Variants in RPS6KC1 observed in about 807,000 individuals in gnomAD.
RPS6KC1 encodes the protein ribosomal protein S6 kinase C1.
Under a neutral mutation model 103.8 loss-of-function variants are expected in RPS6KC1, and 54 were observed. That is an observed-to-expected ratio of 0.52 (90% CI 0.42 to 0.65). The LOEUF (loss-of-function observed/expected upper bound fraction) is 0.65, where lower values mean the gene tolerates loss of function less well. RPS6KC1 is among the 30% of genes least tolerant of loss of function. RPS6KC1 has a pLI of 0.00. For missense variants in RPS6KC1, 1,151 were observed against 1,253.8 expected (o/e 0.92, Z 1.24); for synonymous variants, 439 against 438.7 (o/e 1.00, Z -0.01).
the RPS6KC1 span, among the ~76,000 whole-genome samples, chr1:213,399,475 G>A: frequency 3.3e-5 from 5 of 152,188 alleles, no homozygotes; most frequent in Non-Finnish European, 4.4e-5. Context: ...TACCTACCAC[G>A]GATGGATTCT....
the RPS6KC1 span, among the ~76,000 whole-genome samples, chr1:213,561,571 A>G: frequency 6.6e-6 from 1 of 152,206 alleles, no homozygotes; most frequent in African/African-American, 2.4e-5. Flanking sequence ...GAGGGTACAG[A>G]CAGCTGGGCT....
At chr1:213,809,253 T>C in the RPS6KC1 span, among the ~76,000 whole-genome samples, 1 of 152,136 alleles carries the variant, frequency 6.6e-6, no homozygotes, top group African/African-American at 2.4e-5. Flanking sequence ...GGCTGGTCAG[T>C]GGAGCAGTCT....
chr1:213,410,404 A>T, the RPS6KC1 span, among the ~76,000 whole-genome samples: 3 of 152,164 alleles, frequency 2.0e-5, no homozygotes, highest in Admixed American at 2.0e-4. Context: ...GAGGAAGCTT[A>T]GGGAGTGCTT....
chr1:213,421,457 T>C, the RPS6KC1 span, among the ~76,000 whole-genome samples: 2 of 152,222 alleles, frequency 1.3e-5, 1 homozygote, highest in South Asian at 4.1e-4. Context: ...ATCCTAATAG[T>C]CTGTCTCTTC....
the RPS6KC1 span, among the ~76,000 whole-genome samples, chr1:213,387,662 A>G: frequency 6.6e-6 from 1 of 152,218 alleles, no homozygotes. Context: ...GACTTTCTGT[A>G]CCTTGGGTGT....
At chr1:213,712,106 G>A in the RPS6KC1 span, among the ~76,000 whole-genome samples, 1 of 152,232 alleles carries the variant, frequency 6.6e-6, no homozygotes, top group Non-Finnish European at 1.5e-5. Flanking sequence ...TACTGAAACT[G>A]CGCCCACAGC....
At chr1:213,152,633 C>G (rs2089321010) in intron 6 of RPS6KC1, among the ~76,000 whole-genome samples, 2 of 149,930 alleles carry the variant, frequency 1.3e-5, no homozygotes, top group Admixed American at 6.6e-5. Flanking sequence ...CCCCACATCT[C>G]AGACGATGGG....
the RPS6KC1 span, among the ~76,000 whole-genome samples, chr1:213,286,301 C>T: frequency 2.6e-5 from 4 of 152,056 alleles, no homozygotes; most frequent in African/African-American, 9.7e-5. Context: ...CTGCTTTATT[C>T]TAAAAGAAAT....
the RPS6KC1 span, among the ~76,000 whole-genome samples, chr1:213,704,440 T>G: frequency 1.6e-4 from 24 of 151,556 alleles, 1 homozygote; most frequent in South Asian, 2.9e-3. Context: ...GTATGCCAGT[T>G]GCGTTTCTCA....
chr1:213,094,855 A>G (rs2081311668), intron 3 of RPS6KC1, among the ~76,000 whole-genome samples: 2 of 152,264 alleles, frequency 1.3e-5, no homozygotes, highest in Admixed American at 1.3e-4. Flanking sequence ...ACATTGTTCA[A>G]GTCACAAAAA....
chr1:213,328,504 CTATATATATATA>C, the RPS6KC1 span, among the ~76,000 whole-genome samples: 5,640 of 101,450 alleles, frequency 0.056, 251 homozygotes, highest in South Asian at 0.11. Flanking sequence ...AGCCATTATA[CTATATATATATA>C]TATATATATA....
At chr1:213,248,050 A>G (rs2094482777) in intron 12 of RPS6KC1, among the ~76,000 whole-genome samples, 1 of 152,186 alleles carries the variant, frequency 6.6e-6, no homozygotes, top group Admixed American at 6.5e-5. Flanking sequence ...TTTAAATAAG[A>G]AAGAAATATT....
chr1:213,194,158 A>G (rs1273047107), intron 8 of RPS6KC1, among the ~76,000 whole-genome samples: 1 of 152,114 alleles, frequency 6.6e-6, no homozygotes, highest in Non-Finnish European at 1.5e-5. Flanking sequence ...TTCCATTGGC[A>G]TGGAGTATCT....
the RPS6KC1 span, among the ~76,000 whole-genome samples, chr1:213,807,050 A>G: frequency 3.9e-3 from 466 of 119,984 alleles, 1 homozygote; most frequent in African/African-American, 0.014. Context: ...GCTTAGTTTG[A>G]CTGGATATGA....
the RPS6KC1 span, among the ~76,000 whole-genome samples, chr1:213,786,308 G>A: frequency 1.3e-5 from 2 of 152,172 alleles, no homozygotes; most frequent in African/African-American, 4.8e-5. Context: ...GTTCTATTTT[G>A]AATAAAAAGA....
At chr1:213,569,956 A>T in the RPS6KC1 span, among the ~76,000 whole-genome samples, 3 of 152,198 alleles carry the variant, frequency 2.0e-5, no homozygotes, top group African/African-American at 4.8e-5. Context: ...GTGCTCTTTG[A>T]TCGATAAATG....
the RPS6KC1 span, among the ~76,000 whole-genome samples, chr1:213,299,243 G>A: frequency 2.0e-5 from 3 of 152,306 alleles, no homozygotes; most frequent in Non-Finnish European, 2.9e-5. Flanking sequence ...CTATATTGCA[G>A]TGCTGTCTAA....
chr1:213,221,146 A>G (rs955305946), intron 8 of RPS6KC1, among the ~76,000 whole-genome samples: 4 of 152,170 alleles, frequency 2.6e-5, no homozygotes, highest in Admixed American at 6.5e-5. Context: ...TATTCACCAT[A>G]ATGCCTATTT....
At chr1:213,081,968 A>G (rs2079933383) in intron 3 of RPS6KC1, among the ~76,000 whole-genome samples, 1 of 152,212 alleles carries the variant, frequency 6.6e-6, no homozygotes, top group Non-Finnish European at 1.5e-5. Context: ...ACTGAGTGAG[A>G]TAGTAAATGT....
Sources: gnomAD v4.1 joint callset for allele counts (sites outside exome capture counted in the v4.1 genomes callset) on GRCh38, gnomAD v4.1.1 for gene constraint, MANE v1.5 for transcripts, NCBI Gene and HGNC (gene_info 2026-07-23, HGNC 2026-07-21) for gene names.